Variants in BIK observed in about 807,000 individuals in gnomAD.
The protein encoded by BIK is bcl-2-interacting killer.
BIK carries 14 observed loss-of-function variants against 12.1 expected under a neutral mutation model. That is an observed-to-expected ratio of 1.16 (90% CI 0.77 to 1.81). The LOEUF is 1.81. Ranked by LOEUF, BIK falls within the 40% of genes most tolerant of loss-of-function variation. BIK has a pLI of 0.00. For missense variants in BIK, 215 were observed against 207.9 expected (o/e 1.03, Z -0.21); for synonymous variants, 86 against 92.3 (o/e 0.93, Z 0.39).
intron 1 of BIK, among the ~76,000 whole-genome samples, chr22:43,115,235 G>A (rs1370827267): frequency 6.6e-6 from 1 of 152,156 alleles, no homozygotes; most frequent in Non-Finnish European, 1.5e-5. Context: ...GAAGTGACTT[G>A]TGCCTGAGCC....
intron 2 of BIK, 141 bp from the exon 3 acceptor site, chr22:43,127,556 T>A: frequency 2.8e-6 from 2 of 703,334 alleles, no homozygotes; most frequent in East Asian, 5.5e-5. Flanking sequence ...GGAGGCCCAC[T>A]CACTGCCTGC....
At chr22:43,122,252 T>C (rs142766961) in intron 1 of BIK, among the ~76,000 whole-genome samples, 1 of 152,296 alleles carries the variant, frequency 6.6e-6, no homozygotes, top group African/African-American at 2.4e-5. Context: ...GGGCGGAGTG[T>C]CCTGTCAGCA....
intron 1 of BIK, among the ~76,000 whole-genome samples, chr22:43,121,429 T>G (rs1679828326): frequency 6.6e-6 from 1 of 152,154 alleles, no homozygotes; most frequent in African/African-American, 2.4e-5. Context: ...CAGCCCACTC[T>G]GGTGGCTGGG....
At chr22:43,128,459 A>G (rs772195749) in intron 3 of BIK, 37 bp from the exon 4 acceptor site, 1 of 1,600,048 alleles carries the variant, frequency 6.2e-7, no homozygotes, top group Non-Finnish European at 8.5e-7. Flanking sequence ...CTGCTCCTGC[A>G]GTAATGGCTT....
chr22:43,127,841 G>A, intron 3 of BIK, 46 bp downstream of exon 3: 1 of 1,518,260 alleles, frequency 6.6e-7, no homozygotes, highest in Non-Finnish European at 8.9e-7. Context: ...GAGGGGCCCT[G>A]GGCGGTGGGT....
intron 1 of BIK, among the ~76,000 whole-genome samples, chr22:43,113,021 A>G (rs1038685466): frequency 7.9e-5 from 12 of 152,206 alleles, no homozygotes; most frequent in African/African-American, 2.4e-4. Flanking sequence ...CCTGGCCAAC[A>G]TGGCAAAACC....
At chr22:43,128,673 G>A in intron 4 of BIK, 48 bp downstream of exon 4, 1 of 1,564,960 alleles carries the variant, frequency 6.4e-7, no homozygotes, top group Non-Finnish European at 8.7e-7. Flanking sequence ...CGGCCAGTGG[G>A]GGCTGTCAGA....
intron 4 of BIK, 51 bp downstream of exon 4, chr22:43,128,676 C>T: frequency 1.3e-6 from 2 of 1,559,198 alleles, no homozygotes; most frequent in Admixed American, 1.9e-5. Context: ...CCAGTGGGGG[C>T]TGTCAGAGCC....
intron 4 of BIK, among the ~76,000 whole-genome samples, chr22:43,128,959 G>C (rs1467456578): frequency 2.6e-5 from 4 of 152,216 alleles, no homozygotes; most frequent in African/African-American, 9.6e-5. Flanking sequence ...AAGGGCAGCT[G>C]ACTGCCCTCA....
At chr22:43,116,208 G>T (rs1257335233) in intron 1 of BIK, among the ~76,000 whole-genome samples, 1 of 152,168 alleles carries the variant, frequency 6.6e-6, no homozygotes, top group Admixed American at 6.5e-5. Flanking sequence ...TTATTAGTCT[G>T]TTAGACTTCC....
In BIK at chr22:43,118,800, G is replaced by A. The variant is rs1930166348; in HGVS notation, c.-7-5216G>A. ...ATGAGAGTCTGAGGGTCCCTACCAGGAGTTCGACCTCATCCTCAGGTCCAG... is the reference window on the plus strand; with the variant it reads ...ATGAGAGTCTGAGGGTCCCTACCAGAAGTTCGACCTCATCCTCAGGTCCAG... On this transcript the variant is annotated intron_variant, in intron 1 of 4. Transcript: ENST00000216115. Among the ~76,000 whole-genome samples the A allele has an allele frequency of 2.0e-5, 3 of 152,030 alleles. No individual in the cohort carries two copies. In the South Asian group the frequency reaches 6.2e-4, roughly 32 times the overall value.
At chr22:43,121,378 G>C (rs1392801913) in intron 1 of BIK, among the ~76,000 whole-genome samples, 2 of 152,150 alleles carry the variant, frequency 1.3e-5, no homozygotes, top group African/African-American at 2.4e-5. Context: ...TGACTCCTCA[G>C]GTAGGCCTGA....
intron 2 of BIK, among the ~76,000 whole-genome samples, chr22:43,124,629 C>T (rs371004806): frequency 1.1e-4 from 16 of 152,302 alleles, no homozygotes; most frequent in Middle Eastern, 3.4e-3. Context: ...CAGTGGCTCG[C>T]GCCTGTAATC....
chr22:43,118,852 G>A (rs1027801356), intron 1 of BIK, among the ~76,000 whole-genome samples: 1 of 151,946 alleles, frequency 6.6e-6, no homozygotes, highest in African/African-American at 2.4e-5. Context: ...CCCCAACCCC[G>A]CTCTGACACT....
At chr22:43,128,661 T>A (rs1930372967) in intron 4 of BIK, 36 bp downstream of exon 4, 4 of 1,575,928 alleles carry the variant, frequency 2.5e-6, no homozygotes, top group East Asian at 4.5e-5. Flanking sequence ...TGACTTGCGC[T>A]GCGGCCAGTG....
chr22:43,124,337 C>T (rs1356609294), intron 2 of BIK, among the ~76,000 whole-genome samples, 154 bp downstream of exon 2: 4 of 152,142 alleles, frequency 2.6e-5, no homozygotes, highest in Admixed American at 2.6e-4. Context: ...ATGGAGGCTT[C>T]TGCCCTGGGA....
rs1175232627 is a variant in BIK, at chr22:43,128,512, A to G, written c.277A>G (p.Ile93Val). The G allele has an allele frequency of 1.9e-6, 3 of 1,613,796 alleles. No homozygotes were observed. Among genetic ancestry groups the G allele is most frequent in the Non-Finnish European group, 2.5e-6 (3 of 1,179,814 alleles). Residue 93 changes from isoleucine to valine, a missense_variant, in exon 4 of 5, where the codon ATC (isoleucine) becomes GTC (valine). By Grantham distance (29) the Ile-to-Val change is conservative. Transcript: ENST00000216115. ...TGTCTATAGCCTGGGTCTGGCTTTC[A>G]TCTACGACCAGACTGAGGACATCAG... is the stretch of plus-strand genomic sequence containing the variant. ...VAMHSLGLAF[I>V]YDQTEDIRDV...
chr22:43,121,362 G>C (rs4988403), intron 1 of BIK, among the ~76,000 whole-genome samples: 1,738 of 152,216 alleles, frequency 0.011, 36 homozygotes, highest in African/African-American at 0.04. Flanking sequence ...GCAGAGCGTG[G>C]GTGACTGACT....
intron 3 of BIK, 132 bp downstream of exon 3, chr22:43,127,927 C>T: frequency 1.1e-6 from 1 of 884,368 alleles, no homozygotes; most frequent in Non-Finnish European, 1.7e-6. Flanking sequence ...TGGGGCTATA[C>T]TGAAACCCTT....
Sources: gnomAD v4.1 joint callset for allele counts (sites outside exome capture counted in the v4.1 genomes callset) on GRCh38, gnomAD v4.1.1 for gene constraint, MANE v1.5 for transcripts, NCBI Gene and HGNC (gene_info 2026-07-23, HGNC 2026-07-21) for gene names.